EXOC6: variants seen among roughly 807,000 people sequenced by gnomAD.
EXOC6 encodes SEC15-like 1.
EXOC6 carries 60 observed loss-of-function variants against 112.5 expected under a neutral mutation model. That is an observed-to-expected ratio of 0.53 (90% CI 0.43 to 0.66). The LOEUF (loss-of-function observed/expected upper bound fraction) is 0.66. Among genes scored for constraint, EXOC6 ranks in the 30% least tolerant of loss-of-function variants. The probability of loss-of-function intolerance (pLI) is 0.00; values close to 1 mark genes in which losing one functional copy is unlikely to be tolerated. For missense variants in EXOC6, 855 were observed against 957.1 expected, an observed-to-expected ratio of 0.89 and a Z score of 1.41; for synonymous variants, 295 against 308.0, an observed-to-expected ratio of 0.96 and a Z score of 0.44.
chr10:93,034,487 A>G (rs182397771), intron 20 of EXOC6, among the ~76,000 whole-genome samples: 20 of 152,368 alleles, frequency 1.3e-4, no homozygotes, highest in Admixed American at 1.2e-3. Context: ...CCATAGAAAG[A>G]TAGGAAAACC....
At chr10:92,892,979 C>T (rs1182226826) in intron 1 of EXOC6, among the ~76,000 whole-genome samples, 1 of 152,088 alleles carries the variant, frequency 6.6e-6, no homozygotes, top group African/African-American at 2.4e-5. Flanking sequence ...AGAACATGAG[C>T]GTTTACTTTA....
intron 20 of EXOC6, among the ~76,000 whole-genome samples, chr10:93,023,484 C>G (rs1235818321): frequency 6.6e-6 from 1 of 152,218 alleles, no homozygotes; most frequent in Non-Finnish European, 1.5e-5. Context: ...TTAAGTCCTA[C>G]TGCTCTAGTA....
chr10:92,851,204 C>A (rs917385081), intron 1 of EXOC6, among the ~76,000 whole-genome samples: 11 of 152,078 alleles, frequency 7.2e-5, no homozygotes, highest in African/African-American at 2.4e-4. Flanking sequence ...AAATGAAATT[C>A]AGAAGAGTGG....
At chr10:92,941,893 G>A (rs1180537246) in intron 13 of EXOC6, among the ~76,000 whole-genome samples, 1 of 151,460 alleles carries the variant, frequency 6.6e-6, no homozygotes, top group Non-Finnish European at 1.5e-5. Flanking sequence ...TTTTCTTTTT[G>A]TCTCTTTCTC....
rs17108053 is a variant in EXOC6, at chr10:93,014,396, C to G, written c.2169+129C>G. On this transcript the variant is annotated intron_variant, in intron 20 of 21. Transcript: ENST00000260762. The stretch of plus-strand genomic sequence containing the variant: ...CAACCTATCTTAAGAAAAATCCTTC[C>G]TTGGTAACTATGTATTTGGCACATC... 3,308 of 696,446 alleles carry G rather than the reference C, an allele frequency of 4.7e-3. 67 individuals are homozygous for G. The highest frequency in any genetic ancestry group is 0.047 in the African/African-American group (2,589 of 55,572). 43.1% of individuals were successfully genotyped at this position (696,446 alleles called of 1,614,324 possible).
intron 1 of EXOC6, among the ~76,000 whole-genome samples, chr10:92,862,529 T>C (rs1443677477): frequency 1.3e-5 from 2 of 152,148 alleles, no homozygotes; most frequent in African/African-American, 4.8e-5. Flanking sequence ...AGGCACCATC[T>C]ATGAACCAGA....
intron 1 of EXOC6, among the ~76,000 whole-genome samples, chr10:92,880,395 G>C (rs1343747914): frequency 6.6e-6 from 1 of 151,548 alleles, no homozygotes; most frequent in Non-Finnish European, 1.5e-5. Context: ...TTGAATCCAG[G>C]GATACGGAAC....
chr10:92,846,887 G>A (rs949111870), upstream of EXOC6, among the ~76,000 whole-genome samples: 2 of 152,190 alleles, frequency 1.3e-5, no homozygotes, highest in Admixed American at 6.5e-5. Context: ...AATCATATGG[G>A]TCCTTAAAAA....
At chr10:92,851,683 A>C (rs565349611) in intron 1 of EXOC6, among the ~76,000 whole-genome samples, 200 of 151,950 alleles carry the variant, frequency 1.3e-3, no homozygotes, top group African/African-American at 4.3e-3. Flanking sequence ...CAAAAAAAAA[A>C]CAAAACCAAC....
At chr10:92,880,577 G>C (rs1336854455) in intron 1 of EXOC6, among the ~76,000 whole-genome samples, 1 of 152,054 alleles carries the variant, frequency 6.6e-6, no homozygotes, top group Non-Finnish European at 1.5e-5. Context: ...GAACTTAGAA[G>C]ATAAAATATA....
intron 18 of EXOC6, among the ~76,000 whole-genome samples, chr10:92,991,680 C>T (rs1564892147): frequency 6.6e-6 from 1 of 152,002 alleles, no homozygotes; most frequent in Non-Finnish European, 1.5e-5. Flanking sequence ...GTGGTTTTCC[C>T]AGTTCAGGAA....
chr10:92,876,984 G>A (rs772191400), intron 1 of EXOC6, among the ~76,000 whole-genome samples: 1 of 152,082 alleles, frequency 6.6e-6, no homozygotes, highest in East Asian at 1.9e-4. Flanking sequence ...AGAAGGGATG[G>A]TTCTTTTTAG....
rs116170299 is a variant in EXOC6, at chr10:92,942,035, C to G, written c.1310+1211C>G. On this transcript the variant is annotated intron_variant, in intron 13 of 21. Coordinates refer to ENST00000260762, the MANE Select transcript of EXOC6 (RefSeq NM_019053.6). ...AAAAGTACGTTAGATGATTTAATAC[C>G]AGCTTAGCACTTATCCCATCAACTT... Among the ~76,000 whole-genome samples the G allele has an allele frequency of 3.0e-3, 463 of 152,144 alleles. 2 individuals are homozygous for G. The highest frequency in any genetic ancestry group is 0.01 in the African/African-American group (432 of 41,502).
At chr10:92,962,496 C>T (rs1854063138) in intron 17 of EXOC6, among the ~76,000 whole-genome samples, 1 of 151,846 alleles carries the variant, frequency 6.6e-6, no homozygotes, top group Admixed American at 6.6e-5. Flanking sequence ...CTCAAGCAAT[C>T]CTCCCACCTC....
rs1364109406 is a variant in EXOC6 at position 93,021,481 on chromosome 10, G to A, written c.2169+7214G>A. On this transcript the variant is annotated intron_variant, in intron 20 of 21. Coordinates refer to ENST00000260762, the MANE Select transcript of EXOC6 (RefSeq NM_019053.6). ...TGATGTTTCAGTTAAACTTCCAAGG[G>A]TGAGGGAGTTTTCGCTTTATCCCTA... Among the ~76,000 whole-genome samples, 4 of 152,170 alleles carry A rather than the reference G, an allele frequency of 2.6e-5. No individual in the cohort carries two copies. In the South Asian group the frequency reaches 6.2e-4, roughly 24 times the overall value.
At chr10:92,831,042 ACTTCCGG>A (rs569634148), upstream of EXOC6, among the ~76,000 whole-genome samples, 47 of 152,310 alleles carry the variant, frequency 3.1e-4, 2 homozygotes, top group South Asian at 8.5e-3. Context: ...ATCTGTGCGA[ACTTCCGG>A]CAGGAAATGG....
upstream of EXOC6, among the ~76,000 whole-genome samples, chr10:92,845,329 A>G (rs113083786): frequency 8.5e-3 from 1,298 of 152,080 alleles, 11 homozygotes; most frequent in Non-Finnish European, 0.012. Flanking sequence ...AAGTCAGGGC[A>G]ATCACTTTAG....
chr10:92,889,641 T>G (rs1325081046), intron 1 of EXOC6, among the ~76,000 whole-genome samples: 3 of 152,254 alleles, frequency 2.0e-5, no homozygotes, highest in Admixed American at 2.0e-4. Context: ...CTGTCTATTC[T>G]GTTCCATTGA....
intron 5 of EXOC6, chr10:92,900,907 C>T (rs1241248956): frequency 6.6e-6 from 1 of 152,008 alleles, no homozygotes; most frequent in African/African-American, 2.4e-5. Flanking sequence ...CGTCTTTTTC[C>T]CTCCCTGAAA....
Sources: allele counts gnomAD v4.1 joint callset (sites outside exome capture counted in the v4.1 genomes callset), GRCh38; gene constraint gnomAD v4.1.1; transcripts MANE v1.5; gene names NCBI Gene and HGNC (gene_info 2026-07-23, HGNC 2026-07-21).